The following RNF170 variants were observed in gnomAD, a reference collection of about 807,000 sequenced individuals.
The protein encoded by RNF170 is ring finger protein 170, also known as E3 ubiquitin-protein ligase RNF170.
A neutral mutation model predicts 32.7 loss-of-function variants in RNF170; 12 were observed. That is an observed-to-expected ratio of 0.37 (90% CI 0.24 to 0.60). The LOEUF is 0.60. Among genes scored for constraint, RNF170 ranks in the 20% least tolerant of loss-of-function variants. The probability of loss-of-function intolerance (pLI) is 0.72; values close to 1 mark genes in which losing one functional copy is unlikely to be tolerated. For synonymous variants in RNF170, 91 were observed against 103.6 expected (o/e 0.88, Z 0.74); for missense variants, 212 against 311.2 (o/e 0.68, Z 2.40).
In RNF170 at chr8:42,886,925, G is replaced by A. The variant is rs1037554549; in HGVS notation, c.137+803C>T. Among the ~76,000 whole-genome samples, 3 of 151,670 alleles carry A rather than the reference G, an allele frequency of 2.0e-5. No individual in the cohort carries two copies. In the South Asian group the frequency reaches 6.3e-4, roughly 32 times the overall value. On this transcript the variant is annotated intron_variant, in intron 2 of 6. Transcript: ENST00000527424. The stretch of plus-strand genomic sequence containing the variant: ...TCCCAGCACTTTGGGAGGCTGAGTC[G>A]GGTGGTTCACTTGAGGTCAGGAGTT...
downstream of RNF170, among the ~76,000 whole-genome samples, chr8:42,853,069 T>C (rs183911804): frequency 1.3e-5 from 2 of 151,804 alleles, no homozygotes; most frequent in East Asian, 3.9e-4. Context: ...GAGGCTGCAG[T>C]CAGCTATGAT....
downstream of RNF170, among the ~76,000 whole-genome samples, chr8:42,852,149 A>G (rs763924855): frequency 2.6e-5 from 4 of 152,182 alleles, no homozygotes; most frequent in Admixed American, 6.5e-5. Flanking sequence ...AAGCCACTCA[A>G]GCAGCACCCA....
In RNF170 at chr8:42,856,149, G is replaced by T. The variant is rs1199307327; in HGVS notation, c.*10C>A. ...CAGATATCCTAGTAAACTCAGTTTT[G>T]TTTTCTTTTTCATCTAGTTAGCCTT... On this transcript the variant is annotated 3_prime_UTR_variant, in exon 7 of 7. Coordinates refer to ENST00000527424, the MANE Select transcript of RNF170 (RefSeq NM_030954.4). The T allele has an allele frequency of 6.2e-7, 1 of 1,611,744 alleles. No homozygotes were observed. The highest frequency in any genetic ancestry group is 8.5e-7 in the Non-Finnish European group (1 of 1,179,598).
chr8:42,864,100 C>CT lies in RNF170; in HGVS notation c.396+1315dup, dbSNP rs796502501. On this transcript the variant is annotated intron_variant, in intron 5 of 6. Coordinates refer to ENST00000527424, the MANE Select transcript of RNF170 (RefSeq NM_030954.4). ...CCACCCATGGGTAAGTGGAGGAATACTTTTTTTTTTAGTGATGTAATCTCG... is the reference window on the plus strand; with the variant it reads ...CCACCCATGGGTAAGTGGAGGAATACTTTTTTTTTTTAGTGATGTAATCTCG... Among the ~76,000 whole-genome samples, 195 of 136,688 alleles carry CT rather than the reference C, an allele frequency of 1.4e-3. 3 individuals carry two copies. Among genetic ancestry groups the CT allele is most frequent in the Non-Finnish European group, 1.9e-3 (118 of 63,138 alleles). 89.7% of individuals were successfully genotyped at this position (136,688 alleles called of 152,430 possible). A position where few individuals can be genotyped will look rare whatever the true frequency, so the allele number is the denominator to read the frequency against.
rs575444179 is a variant in RNF170, at chr8:42,894,843, C to T, written c.-8+1641G>A. On this transcript the variant is annotated intron_variant, in intron 1 of 6. Transcript: ENST00000527424. ...TGCTGGGATTACAGGCGCGAGACAC[C>T]GCGCCTGGCCACGTATGTGTAATTT... is the stretch of plus-strand genomic sequence containing the variant. Among the ~76,000 whole-genome samples the T allele has an allele frequency of 1.1e-3, 162 of 152,192 alleles. 1 individual carries two copies. Among genetic ancestry groups the T allele is most frequent in the African/African-American group, 3.6e-3 (151 of 41,534 alleles).
chr8:42,850,891 C>G, downstream of RNF170: 1 of 1,551,580 alleles, frequency 6.4e-7, no homozygotes, highest in Non-Finnish European at 8.7e-7. Flanking sequence ...ATGCTGAGGC[C>G]CTGACCTGCA....
rs1198589336 is a variant in RNF170 at position 42,853,678 on chromosome 8, A to G, written c.*2481T>C. The G allele has an allele frequency of 3.1e-6, 4 of 1,287,004 alleles. 1 individual carries two copies. In the South Asian group the frequency reaches 4.9e-5, roughly 16 times the overall value. 79.7% of individuals were successfully genotyped at this position (1,287,004 alleles called of 1,614,324 possible). ...AACTCTGAATCACGGAAGTATTACTATGATGTTCAAAACTCTGATTGACTC... is the reference window on the plus strand; with the variant it reads ...AACTCTGAATCACGGAAGTATTACTGTGATGTTCAAAACTCTGATTGACTC... On this transcript the variant is annotated 3_prime_UTR_variant, in exon 7 of 7. Transcript: ENST00000527424.
In RNF170 at chr8:42,896,267, C is replaced by T. The variant is rs1327282563; in HGVS notation, c.-8+217G>A. ...CGCCAAACCCACCTAGAGCCGCTCT[C>T]CGCGTCGGCCCCTCCACCGTCGCCG... On this transcript the variant is annotated intron_variant, in intron 1 of 6. Coordinates refer to ENST00000527424, the MANE Select transcript of RNF170 (RefSeq NM_030954.4). 99 of 343,990 alleles carry T rather than the reference C, an allele frequency of 2.9e-4. 3 individuals carry two copies. The highest frequency in any genetic ancestry group is 1.1e-5 in the Non-Finnish European group (2 of 178,790). The allele number at this position is 343,990 out of a possible 1,614,324, so 21.3% of individuals were successfully genotyped here.
At chr8:42,875,828 G>A (rs1440348422) in intron 2 of RNF170, among the ~76,000 whole-genome samples, 3 of 152,222 alleles carry the variant, frequency 2.0e-5, no homozygotes, top group Non-Finnish European at 4.4e-5. Flanking sequence ...GCCTGCCACG[G>A]CCTCCCAAAG....
At chr8:42,863,639 A>C (rs1487098347) in intron 5 of RNF170, among the ~76,000 whole-genome samples, 3 of 151,994 alleles carry the variant, frequency 2.0e-5, no homozygotes, top group Non-Finnish European at 2.9e-5. Context: ...ACTGGGTTTC[A>C]CCATGTTGGC....
Position 42,854,900 on chromosome 8 carries a change from C to G in RNF170, c.*1259G>C. 1 of 1,287,242 alleles carries G rather than the reference C, an allele frequency of 7.8e-7. No homozygotes were observed. Among genetic ancestry groups the G allele is most frequent in the African/African-American group, 1.5e-5 (1 of 65,908 alleles). The allele number at this position is 1,287,242 out of a possible 1,614,324, so 79.7% of individuals were successfully genotyped here. A position where few individuals can be genotyped will look rare whatever the true frequency, so the allele number is the denominator to read the frequency against. On this transcript the variant is annotated 3_prime_UTR_variant, in exon 7 of 7. Transcript: ENST00000527424. ...TCAAGACATGAATCTGAGCTGTGTG[C>G]TGCCATCCTGAGACAGTATTATAAA...
chr8:42,896,497 AG>A lies in RNF170; in HGVS notation c.-22del. 1 of 453,902 alleles carries A rather than the reference AG, an allele frequency of 2.2e-6. No homozygotes were observed. The highest frequency in any genetic ancestry group is 4.4e-6 in the Non-Finnish European group (1 of 226,700). 28.1% of individuals were successfully genotyped at this position (453,902 alleles called of 1,614,324 possible). On this transcript the variant is annotated 5_prime_UTR_variant, in exon 1 of 7. Coordinates refer to ENST00000527424, the MANE Select transcript of RNF170 (RefSeq NM_030954.4). Reference sequence around the variant, plus strand: ...CGCCGGACGTACCTCTCCACCGCGAAGGAACTACCTCGCCAGTTCCCGGCGA... The same window carrying A: ...CGCCGGACGTACCTCTCCACCGCGAAGAACTACCTCGCCAGTTCCCGGCGA...
downstream of RNF170, chr8:42,850,245 A>G (rs1802905946): frequency 6.0e-6 from 1 of 166,914 alleles, no homozygotes; most frequent in Admixed American, 5.6e-5. Flanking sequence ...CCAAGGTCAC[A>G]TGGGGCCTTG....
At position 42,854,051 on chromosome 8, in the gene RNF170, C is replaced by T; in HGVS notation, c.*2108G>A. The T allele has an allele frequency of 7.8e-7, 1 of 1,287,232 alleles. No homozygotes were observed. The allele number at this position is 1,287,232 out of a possible 1,614,324, so 79.7% of individuals were successfully genotyped here. A position where few individuals can be genotyped will look rare whatever the true frequency, so the allele number is the denominator to read the frequency against. On this transcript the variant is annotated 3_prime_UTR_variant, in exon 7 of 7. Transcript: ENST00000527424. Reference sequence around the variant, plus strand: ...AATGCATTTCCAGTCTGGTACATGGCAGTGTGACAAACTCCTACTCACTCG... The same window carrying T: ...AATGCATTTCCAGTCTGGTACATGGTAGTGTGACAAACTCCTACTCACTCG...
intron 2 of RNF170, among the ~76,000 whole-genome samples, chr8:42,883,061 CAA>C (rs1456247692): frequency 6.7e-6 from 1 of 148,710 alleles, no homozygotes; most frequent in African/African-American, 2.5e-5. Context: ...GAACCTGTCT[CAA>C]GAGAAAAAAA....
intron 4 of RNF170, 116 bp from the exon 5 acceptor site, chr8:42,865,605 A>G (rs1804024168): frequency 2.5e-6 from 2 of 810,136 alleles, no homozygotes. Flanking sequence ...GTTATTTAAA[A>G]ATACCTTTTA....
chr8:42,854,516 G>A lies in RNF170; in HGVS notation c.*1643C>T. 1 of 1,286,680 alleles carries A rather than the reference G, an allele frequency of 7.8e-7. No homozygotes were observed. The highest frequency in any genetic ancestry group is 1.0e-6 in the Non-Finnish European group (1 of 988,196). The allele number at this position is 1,286,680 out of a possible 1,614,324, so 79.7% of individuals were successfully genotyped here. A position where few individuals can be genotyped will look rare whatever the true frequency, so the allele number is the denominator to read the frequency against. On this transcript the variant is annotated 3_prime_UTR_variant, in exon 7 of 7. Coordinates refer to ENST00000527424, the MANE Select transcript of RNF170 (RefSeq NM_030954.4). ...ACCTGCTTTAATTATAATGTGCTATGTTTAAGCATTATTGTTTTTCTCTAT... is the reference window on the plus strand; with the variant it reads ...ACCTGCTTTAATTATAATGTGCTATATTTAAGCATTATTGTTTTTCTCTAT...
In RNF170 at chr8:42,854,731, G is replaced by A; in HGVS notation, c.*1428C>T. The A allele has an allele frequency of 7.8e-7, 1 of 1,287,468 alleles. No homozygotes were observed. Among genetic ancestry groups the A allele is most frequent in the Non-Finnish European group, 1.0e-6 (1 of 988,692 alleles). 79.8% of individuals were successfully genotyped at this position (1,287,468 alleles called of 1,614,324 possible). On this transcript the variant is annotated 3_prime_UTR_variant, in exon 7 of 7. Transcript: ENST00000527424. ...GATGATATTAATAGCAGTGATCTCA[G>A]ATGACAATGCTAACACTGACTCCTG... is the stretch of plus-strand genomic sequence containing the variant.
chr8:42,896,956 G>A, upstream of RNF170: 1 of 412,126 alleles, frequency 2.4e-6, no homozygotes, highest in Non-Finnish European at 4.2e-6. Context: ...AGGAGAAGGA[G>A]GGGCGCTGGG....
Sources: gnomAD v4.1 joint callset for allele counts (sites outside exome capture counted in the v4.1 genomes callset) on GRCh38, gnomAD v4.1.1 for gene constraint, MANE v1.5 for transcripts, NCBI Gene and HGNC (gene_info 2026-07-23, HGNC 2026-07-21) for gene names.